Variants in MSI2 observed in about 807,000 individuals in gnomAD.
MSI2 encodes the protein musashi RNA binding protein 2.
A neutral mutation model predicts 45.6 loss-of-function variants in MSI2; 17 were observed. That is an observed-to-expected ratio of 0.37 (90% CI 0.26 to 0.56). The LOEUF is 0.56. Ranked by LOEUF, MSI2 falls within the 20% of genes least tolerant of loss-of-function variation. The pLI is 0.77. For synonymous variants in MSI2, 156 were observed against 158.2 expected, an observed-to-expected ratio of 0.99 and a Z score of 0.11; for missense variants, 293 against 444.2, an observed-to-expected ratio of 0.66 and a Z score of 3.06.
intron 6 of MSI2, among the ~76,000 whole-genome samples, chr17:57,419,269 G>A (rs571561289): frequency 6.6e-6 from 1 of 151,584 alleles, no homozygotes; most frequent in South Asian, 2.1e-4. Context: ...AAAAAGGCAC[G>A]TTCCATTTTG....
In MSI2 at chr17:57,543,041, CT is replaced by C. The variant is rs529713889; in HGVS notation, c.454+13318del. The stretch of plus-strand genomic sequence containing the variant: ...AGAGGGTGGGCACTCACCTTGGTCT[CT>C]GTCCTAATTTGCCTGAAAACTGAGA... On this transcript the variant is annotated intron_variant, in intron 7 of 13. Transcript: ENST00000284073. 3.4e-4 allele frequency among the ~76,000 whole-genome samples: 52 copies of C among 152,322 alleles called. 1 individual carries two copies. Among genetic ancestry groups the C allele is most frequent in the African/African-American group, 1.2e-3 (48 of 41,574 alleles).
At chr17:57,634,159 C>T (rs931404412) in intron 10 of MSI2, among the ~76,000 whole-genome samples, 1 of 152,192 alleles carries the variant, frequency 6.6e-6, no homozygotes, top group Non-Finnish European at 1.5e-5. Flanking sequence ...GAGACAGGCA[C>T]TTCACTAGAG....
At chr17:57,267,008 C>T (rs1015177883) in intron 5 of MSI2, 2 of 152,396 alleles carry the variant, frequency 1.3e-5, no homozygotes, top group African/African-American at 4.8e-5. Flanking sequence ...TGTACACGCA[C>T]ACCTCCTGTT....
At chr17:57,442,322 A>C (rs865938265) in intron 6 of MSI2, among the ~76,000 whole-genome samples, 1 of 152,222 alleles carries the variant, frequency 6.6e-6, no homozygotes, top group Non-Finnish European at 1.5e-5. Context: ...GGCGTGAGCC[A>C]CTGCGCCTGG....
chr17:57,519,060 A>G (rs2086530066), intron 6 of MSI2, among the ~76,000 whole-genome samples: 2 of 152,166 alleles, frequency 1.3e-5, no homozygotes, highest in South Asian at 2.1e-4. Flanking sequence ...AAGCTCAGCC[A>G]GAATGGAGCT....
At chr17:57,526,729 G>A (rs1354674298) in intron 6 of MSI2, among the ~76,000 whole-genome samples, 3 of 151,908 alleles carry the variant, frequency 2.0e-5, no homozygotes, top group African/African-American at 7.3e-5. Context: ...CCAAGCACTG[G>A]GACTTATCCA....
At chr17:57,672,610 G>A (rs768689123) in intron 11 of MSI2, among the ~76,000 whole-genome samples, 20 of 152,104 alleles carry the variant, frequency 1.3e-4, no homozygotes, top group Non-Finnish European at 2.4e-4. Flanking sequence ...GTTCACATCC[G>A]GCCAGACAAG....
At chr17:57,317,541 C>T (rs188735303) in intron 5 of MSI2, among the ~76,000 whole-genome samples, 49 of 118,862 alleles carry the variant, frequency 4.1e-4, no homozygotes, top group African/African-American at 1.5e-3. Flanking sequence ...GACGGGGTCT[C>T]ACTTTGTCTC....
chr17:57,357,688 C>T (rs566446916), intron 5 of MSI2, among the ~76,000 whole-genome samples: 29 of 152,192 alleles, frequency 1.9e-4, no homozygotes, highest in Admixed American at 1.0e-3. Flanking sequence ...ATGACCTGCC[C>T]GACTTGATTT....
intron 6 of MSI2, among the ~76,000 whole-genome samples, chr17:57,417,331 G>C (rs1407592999): frequency 6.6e-6 from 1 of 152,148 alleles, no homozygotes; most frequent in African/African-American, 2.4e-5. Context: ...TCCTGCCCCT[G>C]CCCATTTTGG....
intron 6 of MSI2, among the ~76,000 whole-genome samples, chr17:57,468,259 G>T (rs2085365397): frequency 6.6e-6 from 1 of 151,240 alleles, no homozygotes; most frequent in Admixed American, 6.6e-5. Context: ...CAGTACGATG[G>T]CTCACACCTG....
At chr17:57,432,751 T>C (rs1567820143) in intron 6 of MSI2, 1 of 152,630 alleles carries the variant, frequency 6.6e-6, no homozygotes, top group Admixed American at 6.5e-5. Context: ...AGGAGAAGAA[T>C]GGCGTTTCTG....
chr17:57,583,990 TG>T (rs2088277045), intron 7 of MSI2, among the ~76,000 whole-genome samples: 1 of 152,346 alleles, frequency 6.6e-6, no homozygotes, highest in East Asian at 1.9e-4. Context: ...CCTGTTAAAA[TG>T]CAGATTCAGG....
chr17:57,507,187 G>C lies in MSI2; in HGVS notation c.406-22489G>C, dbSNP rs1164743754. Among the ~76,000 whole-genome samples the C allele has an allele frequency of 1.6e-5, 2 of 123,818 alleles. 1 individual carries two copies. Among genetic ancestry groups the C allele is most frequent in the African/African-American group, 6.1e-5 (2 of 32,548 alleles). 81.2% of individuals were successfully genotyped at this position (123,818 alleles called of 152,430 possible). A position where few individuals can be genotyped will look rare whatever the true frequency, so the allele number is the denominator to read the frequency against. On this transcript the variant is annotated intron_variant, in intron 6 of 13. Coordinates refer to ENST00000284073, the MANE Select transcript of MSI2 (RefSeq NM_138962.4). Reference sequence around the variant, plus strand: ...TCTCTGTGTGTGTTGGGGGGGGGGGGTGTAAATCTCTTCCCATTGGTTTTT... The same window carrying C: ...TCTCTGTGTGTGTTGGGGGGGGGGGCTGTAAATCTCTTCCCATTGGTTTTT...
the MSI2 span, among the ~76,000 whole-genome samples, chr17:57,699,481 T>C: frequency 6.6e-6 from 1 of 152,066 alleles, no homozygotes; most frequent in Non-Finnish European, 1.5e-5. Context: ...TGTCTTGCGC[T>C]CTGCCTCCCT....
At chr17:57,645,592 C>T (rs924712762) in intron 10 of MSI2, among the ~76,000 whole-genome samples, 35 of 151,002 alleles carry the variant, frequency 2.3e-4, no homozygotes, top group Non-Finnish European at 3.7e-4. Context: ...CCCACCACCA[C>T]GCCTGGCTAG....
chr17:57,460,380 A>AAAAGAGAG (rs2085203041), intron 6 of MSI2, among the ~76,000 whole-genome samples: 1 of 151,860 alleles, frequency 6.6e-6, no homozygotes, highest in South Asian at 2.1e-4. Flanking sequence ...AAGGAAAGGA[A>AAAAGAGAG]AAAGAGAGAA....
At chr17:57,470,289 T>TTTAG (rs1427735461) in intron 6 of MSI2, among the ~76,000 whole-genome samples, 1 of 151,808 alleles carries the variant, frequency 6.6e-6, no homozygotes, top group Non-Finnish European at 1.5e-5. Context: ...TATTTATTTA[T>TTTAG]TTTTTTGAGA....
At chr17:57,540,332 T>C (rs1198058445) in intron 7 of MSI2, among the ~76,000 whole-genome samples, 1 of 152,204 alleles carries the variant, frequency 6.6e-6, no homozygotes, top group African/African-American at 2.4e-5. Context: ...GGCTCAGGCT[T>C]GCTGATTGGA....
Sources: gnomAD v4.1 joint callset for allele counts (sites outside exome capture counted in the v4.1 genomes callset) on GRCh38, gnomAD v4.1.1 for gene constraint, MANE v1.5 for transcripts, NCBI Gene and HGNC (gene_info 2026-07-23, HGNC 2026-07-21) for gene names.